The following ASMTL variants were observed in gnomAD, a reference collection of about 807,000 sequenced individuals.
ASMTL encodes probable bifunctional dTTP/UTP pyrophosphatase/methyltransferase protein.
ASMTL carries 57 observed loss-of-function variants against 60.3 expected under a neutral mutation model. The observed-to-expected ratio is 0.95, with a 90% CI of 0.76 to 1.18. The LOEUF (loss-of-function observed/expected upper bound fraction) is 1.18, where lower values mean the gene tolerates loss of function less well. Among genes scored for constraint, ASMTL ranks in the 50% most tolerant of loss-of-function variants. The pLI is 0.00. For synonymous variants in ASMTL, 419 were observed against 373.0 expected, an observed-to-expected ratio of 1.12 and a Z score of -1.42; for missense variants, 981 against 852.6, an observed-to-expected ratio of 1.15 and a Z score of -1.88.
At chrX:1,407,223 A>AGAT (rs755671337) in intron 12 of ASMTL, among the ~76,000 whole-genome samples, 151 of 149,726 alleles carry the variant, frequency 1.0e-3, no homozygotes, top group African/African-American at 3.5e-3. Context: ...AATAGATGGT[A>AGAT]GATGATGGGT....
At chrX:1,422,967 T>C (rs1277392329) in intron 8 of ASMTL, among the ~76,000 whole-genome samples, 19 of 152,150 alleles carry the variant, frequency 1.2e-4, no homozygotes, top group Non-Finnish European at 2.8e-4. Flanking sequence ...TTTTAATTTT[T>C]TTTGAGATGG....
At chrX:1,433,215 T>C (rs2090857663) in intron 5 of ASMTL, among the ~76,000 whole-genome samples, 2 of 152,114 alleles carry the variant, frequency 1.3e-5, no homozygotes, top group Non-Finnish European at 2.9e-5. Context: ...CGTTTTGCTA[T>C]GTGGTGACAA....
upstream of ASMTL, among the ~76,000 whole-genome samples, chrX:1,453,231 ACC>A: frequency 1.5e-5 from 2 of 129,682 alleles, no homozygotes; most frequent in African/African-American, 6.0e-5. Context: ...GCCGCCATTG[ACC>A]GCTCCGCCAG....
intron 1 of ASMTL, among the ~76,000 whole-genome samples, chrX:1,445,645 C>T (rs2091215273): frequency 1.3e-5 from 2 of 151,722 alleles, no homozygotes; most frequent in Non-Finnish European, 2.9e-5. Flanking sequence ...AGGCAAGAGA[C>T]CGAGGACACG....
chrX:1,420,685 G>T (rs192437994), intron 9 of ASMTL, among the ~76,000 whole-genome samples: 210 of 152,354 alleles, frequency 1.4e-3, no homozygotes, highest in African/African-American at 4.8e-3. Flanking sequence ...AAGGAGGGGC[G>T]AGAGGATGCA....
In ASMTL at chrX:1,427,974, G is replaced by T. The variant is rs765548049; in HGVS notation, c.657C>A (p.Asp219Glu). ...AGTCGTGCTTGACACTCCGCCGCAG[G>T]TCCTCCGGACGGGGCGGGTAGTAGA... ...VKLYYPPRPE[D>E]LRRSVKHDSI... Residue 219 changes from aspartate (D) to glutamate (E), a missense_variant, in exon 7 of 13, where the codon GAC becomes GAA. By Grantham distance (45) the Asp-to-Glu change is conservative. Coordinates refer to ENST00000381317, the MANE Select transcript of ASMTL (RefSeq NM_004192.4). The T allele has an allele frequency of 3.7e-6, 6 of 1,613,468 alleles. No individual in the cohort carries two copies. The highest frequency in any genetic ancestry group is 2.2e-5 in the East Asian group (1 of 44,894).
intron 1 of ASMTL, among the ~76,000 whole-genome samples, chrX:1,451,589 CTG>C (rs1300640540): frequency 6.8e-6 from 1 of 147,638 alleles, no homozygotes; most frequent in South Asian, 2.2e-4. Context: ...GGGTCACTCC[CTG>C]CAACCCCATG....
chrX:1,423,256 A>G (rs1260524023), intron 8 of ASMTL, among the ~76,000 whole-genome samples: 1 of 152,018 alleles, frequency 6.6e-6, no homozygotes, highest in African/African-American at 2.4e-5. Context: ...ATTATTTTCA[A>G]TACGGGAGAA....
chrX:1,440,118 G>T (rs773983851), intron 2 of ASMTL, among the ~76,000 whole-genome samples: 4 of 145,806 alleles, frequency 2.7e-5, no homozygotes, highest in African/African-American at 1.0e-4. Flanking sequence ...ATGGAGTCTC[G>T]CTCTGTCGCC....
At chrX:1,416,408 G>A (rs1431266783) in intron 11 of ASMTL, among the ~76,000 whole-genome samples, 1 of 31,834 alleles carries the variant, frequency 3.1e-5, no homozygotes, top group African/African-American at 5.1e-5. Flanking sequence ...CGGACATACA[G>A]ATACACCAAC....
intron 8 of ASMTL, among the ~76,000 whole-genome samples, chrX:1,424,886 T>C (rs2090574109): frequency 1.1e-5 from 1 of 92,124 alleles, no homozygotes; most frequent in South Asian, 4.6e-4. Context: ...ACCCATCCAC[T>C]GATCCACCAA....
At chrX:1,433,092 T>G (rs868642146) in intron 5 of ASMTL, among the ~76,000 whole-genome samples, 1 of 151,716 alleles carries the variant, frequency 6.6e-6, no homozygotes, top group African/African-American at 2.4e-5. Flanking sequence ...AGCGAGACTC[T>G]GTCTCAAATA....
chrX:1,412,310 C>T (rs1375258633), intron 12 of ASMTL, among the ~76,000 whole-genome samples: 4 of 152,190 alleles, frequency 2.6e-5, no homozygotes, highest in Non-Finnish European at 4.4e-5. Flanking sequence ...TCACTGCAGT[C>T]TCCAGCTCCC....
At chrX:1,404,374 G>A (rs2089719232) in intron 12 of ASMTL, among the ~76,000 whole-genome samples, 1 of 151,302 alleles carries the variant, frequency 6.6e-6, no homozygotes, top group African/African-American at 2.4e-5. Context: ...TGGGTGAATA[G>A]ATGGTAGATG....
chrX:1,414,303 A>G (rs1275972647), intron 11 of ASMTL, among the ~76,000 whole-genome samples: 2 of 152,184 alleles, frequency 1.3e-5, no homozygotes, highest in Admixed American at 1.3e-4. Flanking sequence ...GAGGATAAAT[A>G]GCAAGCTGTG....
upstream of ASMTL, among the ~76,000 whole-genome samples, chrX:1,453,402 C>G (rs2091444970): frequency 6.6e-6 from 1 of 151,776 alleles, no homozygotes; most frequent in African/African-American, 2.4e-5. Context: ...CCCAGCTCCG[C>G]CTCCCGGGCC....
At chrX:1,418,349 G>A (rs1405604372) in intron 10 of ASMTL, among the ~76,000 whole-genome samples, 1 of 151,536 alleles carries the variant, frequency 6.6e-6, no homozygotes, top group African/African-American at 2.4e-5. Flanking sequence ...GTGGAGGGCT[G>A]TACTCCCTTC....
chrX:1,453,736 C>A (rs1232362456), upstream of ASMTL: 1 of 148,078 alleles, frequency 6.8e-6, no homozygotes, highest in African/African-American at 2.6e-5. Flanking sequence ...GGGATGTCCT[C>A]GTGCCTGGTG....
intron 3 of ASMTL, among the ~76,000 whole-genome samples, chrX:1,438,611 C>T (rs1435533056): frequency 2.0e-5 from 3 of 152,176 alleles, no homozygotes; most frequent in African/African-American, 7.2e-5. Flanking sequence ...CTCCTGGGTT[C>T]GAGCGATTCC....
Sources: allele counts gnomAD v4.1 joint callset (sites outside exome capture counted in the v4.1 genomes callset), GRCh38; gene constraint gnomAD v4.1.1; transcripts MANE v1.5; gene names NCBI Gene and HGNC (gene_info 2026-07-23, HGNC 2026-07-21).